The following MSRA variants were observed in gnomAD, a reference collection of about 807,000 sequenced individuals.
MSRA encodes methionine sulfoxide reductase A.
In MSRA, 54 loss-of-function variants were observed where a neutral mutation model predicts 31.3. The ratio of observed to expected loss-of-function variants is 1.73; its 90% CI spans 1.39 to 2.17. The LOEUF (loss-of-function observed/expected upper bound fraction) is 2.17, where lower values mean the gene tolerates loss of function less well. Among genes scored for constraint, MSRA ranks in the 30% most tolerant of loss-of-function variants. MSRA has a pLI of 0.00. For missense variants in MSRA, 507 were observed against 300.9 expected, an observed-to-expected ratio of 1.69 and a Z score of -5.07; for synonymous variants, 169 against 116.5, an observed-to-expected ratio of 1.45 and a Z score of -2.90.
chr8:10,172,266 G>A (rs1291884733), intron 1 of MSRA, among the ~76,000 whole-genome samples: 4 of 152,180 alleles, frequency 2.6e-5, no homozygotes, highest in Admixed American at 6.5e-5. Context: ...GGAGCTCATG[G>A]ATTCCAGATC....
chr8:10,401,623 A>G (rs1486314167), intron 5 of MSRA, among the ~76,000 whole-genome samples: 3 of 152,196 alleles, frequency 2.0e-5, no homozygotes, highest in African/African-American at 4.8e-5. Context: ...TCTTAGCAGT[A>G]TTATTTACAA....
intron 5 of MSRA, among the ~76,000 whole-genome samples, chr8:10,368,468 C>T (rs901135287): frequency 5.3e-5 from 8 of 151,894 alleles, no homozygotes; most frequent in Admixed American, 2.0e-4. Context: ...TGTTGATCTG[C>T]GGAAGCCCTG....
intron 3 of MSRA, among the ~76,000 whole-genome samples, chr8:10,293,500 T>C (rs1221293896): frequency 6.6e-6 from 1 of 152,228 alleles, no homozygotes; most frequent in Non-Finnish European, 1.5e-5. Context: ...TCTGCATCTC[T>C]GAGCATCTTA....
intron 1 of MSRA, among the ~76,000 whole-genome samples, chr8:10,166,541 G>T (rs1268513006): frequency 1.3e-5 from 2 of 152,172 alleles, no homozygotes; most frequent in Non-Finnish European, 2.9e-5. Flanking sequence ...GTGTGTGCAT[G>T]TGCATTTGTA....
At chr8:10,333,488 TC>T (rs1437684768) in intron 5 of MSRA, among the ~76,000 whole-genome samples, 1 of 151,906 alleles carries the variant, frequency 6.6e-6, no homozygotes, top group Non-Finnish European at 1.5e-5. Flanking sequence ...CACAGGGAGG[TC>T]CCCGATGACT....
At chr8:10,236,984 C>A (rs1432645286) in intron 2 of MSRA, among the ~76,000 whole-genome samples, 1 of 152,202 alleles carries the variant, frequency 6.6e-6, no homozygotes, top group East Asian at 1.9e-4. Flanking sequence ...CCTCATTCTA[C>A]CACATGTTAA....
At chr8:10,096,653 C>A (rs962969624) in intron 1 of MSRA, among the ~76,000 whole-genome samples, 1 of 151,938 alleles carries the variant, frequency 6.6e-6, no homozygotes, top group Non-Finnish European at 1.5e-5. Flanking sequence ...GAAAGTTTAC[C>A]GATTTTCTTT....
intron 5 of MSRA, among the ~76,000 whole-genome samples, chr8:10,365,221 C>T (rs1242305738): frequency 6.6e-6 from 1 of 151,144 alleles, no homozygotes; most frequent in Non-Finnish European, 1.5e-5. Flanking sequence ...CCCCTCTGAG[C>T]TCAGAGTACT....
chr8:10,294,687 C>G (rs888877405), intron 3 of MSRA, among the ~76,000 whole-genome samples: 1 of 152,086 alleles, frequency 6.6e-6, no homozygotes, highest in Non-Finnish European at 1.5e-5. Flanking sequence ...ACAGTGTCAC[C>G]GACCTCCTTG....
chr8:10,382,109 C>A (rs1032875844), intron 5 of MSRA, among the ~76,000 whole-genome samples: 1 of 152,226 alleles, frequency 6.6e-6, no homozygotes, highest in Non-Finnish European at 1.5e-5. Flanking sequence ...GCTCTACTGC[C>A]CCCAGTGACC....
intron 3 of MSRA, among the ~76,000 whole-genome samples, chr8:10,247,373 T>C (rs982522488): frequency 6.6e-6 from 1 of 152,190 alleles, no homozygotes; most frequent in African/African-American, 2.4e-5. Flanking sequence ...CCAGCTGTCA[T>C]CATATCCCAG....
chr8:10,372,837 A>G (rs1381176379), intron 5 of MSRA, among the ~76,000 whole-genome samples: 3 of 152,264 alleles, frequency 2.0e-5, no homozygotes, highest in Non-Finnish European at 4.4e-5. Flanking sequence ...TAAAAATAGG[A>G]TTTCCTGTAT....
At chr8:10,386,954 T>G (rs2129177324) in intron 5 of MSRA, among the ~76,000 whole-genome samples, 1 of 151,254 alleles carries the variant, frequency 6.6e-6, no homozygotes, top group East Asian at 1.9e-4. Context: ...GAACTGCAGC[T>G]GGTGGAGCAG....
chr8:10,061,355 A>G (rs1434014627), intron 1 of MSRA, among the ~76,000 whole-genome samples: 1 of 152,166 alleles, frequency 6.6e-6, no homozygotes, highest in African/African-American at 2.4e-5. Context: ...TCTTCAAGGA[A>G]GCATCCTTGA....
chr8:10,214,425 C>T (rs1293120412), intron 2 of MSRA, among the ~76,000 whole-genome samples: 1 of 152,042 alleles, frequency 6.6e-6, no homozygotes. Context: ...GTCTGCCAGC[C>T]AAGAAAACAA....
rs548090870 is a variant in MSRA, at chr8:10,097,403, C to T, written c.142+42745C>T. Among the ~76,000 whole-genome samples the T allele has an allele frequency of 3.4e-4, 51 of 152,220 alleles. 1 individual carries two copies. Among genetic ancestry groups the T allele is most frequent in the African/African-American group, 1.1e-3 (46 of 41,548 alleles). On this transcript the variant is annotated intron_variant, in intron 1 of 5. Coordinates refer to ENST00000317173, the MANE Select transcript of MSRA (RefSeq NM_012331.5). ...CATGAAAGACATGCTGATAGGCACTCGGAAGGAAATGTTTGCCTGACTGCA... is the reference window on the plus strand; with the variant it reads ...CATGAAAGACATGCTGATAGGCACTTGGAAGGAAATGTTTGCCTGACTGCA...
At chr8:10,131,085 G>C (rs938299577) in intron 1 of MSRA, among the ~76,000 whole-genome samples, 2 of 152,138 alleles carry the variant, frequency 1.3e-5, no homozygotes, top group African/African-American at 4.8e-5. Flanking sequence ...CTATTGCTTT[G>C]TTCCTTTGTT....
intron 5 of MSRA, among the ~76,000 whole-genome samples, chr8:10,332,856 G>A (rs1275943999): frequency 6.6e-6 from 1 of 152,184 alleles, no homozygotes; most frequent in Admixed American, 6.5e-5. Flanking sequence ...GTGTGCATCC[G>A]CATTTGGGCC....
intron 5 of MSRA, among the ~76,000 whole-genome samples, chr8:10,408,619 G>A (rs1216515096): frequency 1.3e-5 from 2 of 152,216 alleles, no homozygotes; most frequent in African/African-American, 2.4e-5. Flanking sequence ...AGGGGCACAA[G>A]TACAGTTCTG....
Sources: allele counts gnomAD v4.1 joint callset (sites outside exome capture counted in the v4.1 genomes callset), GRCh38; gene constraint gnomAD v4.1.1; transcripts MANE v1.5; gene names NCBI Gene and HGNC (gene_info 2026-07-23, HGNC 2026-07-21).